RHAG: variants seen among roughly 807,000 people sequenced by gnomAD.
RHAG encodes the protein ammonium transporter Rh type A.
In RHAG, 25 loss-of-function variants were observed where a neutral mutation model predicts 42.4. That is an observed-to-expected ratio of 0.59 (90% confidence interval 0.43 to 0.82). The LOEUF is 0.82. RHAG is among the 40% of genes least tolerant of loss of function. RHAG has a pLI of 0.00. For synonymous variants in RHAG, 182 were observed against 177.7 expected, an observed-to-expected ratio of 1.02 and a Z score of -0.19; for missense variants, 483 against 504.6, an observed-to-expected ratio of 0.96 and a Z score of 0.41.
At chr6:49,623,393 TTG>T (rs939371777) in intron 1 of RHAG, among the ~76,000 whole-genome samples, 66 of 152,246 alleles carry the variant, frequency 4.3e-4, no homozygotes, top group African/African-American at 1.5e-3. Context: ...CTTTAAGAGT[TTG>T]TGGGTGGGGA....
At chr6:49,628,821 T>G (rs1233798345) in intron 1 of RHAG, among the ~76,000 whole-genome samples, 1 of 151,922 alleles carries the variant, frequency 6.6e-6, no homozygotes, top group African/African-American at 2.4e-5. Context: ...ACCTTCACGG[T>G]GAGTATTACA....
intron 1 of RHAG, among the ~76,000 whole-genome samples, chr6:49,621,530 G>C (rs998327872): frequency 6.6e-6 from 1 of 152,112 alleles, no homozygotes; most frequent in Non-Finnish European, 1.5e-5. Context: ...TACCTACCCA[G>C]GGTACCCTAG....
chr6:49,616,889 G>A (rs1762666006), intron 3 of RHAG, among the ~76,000 whole-genome samples: 1 of 152,148 alleles, frequency 6.6e-6, no homozygotes, highest in African/African-American at 2.4e-5. Flanking sequence ...TCACCAGGTG[G>A]CTTCAGGAAG....
chr6:49,622,483 A>G (rs1333002076), intron 1 of RHAG, among the ~76,000 whole-genome samples: 1 of 152,058 alleles, frequency 6.6e-6, no homozygotes, highest in Non-Finnish European at 1.5e-5. Context: ...GTGCTGGATT[A>G]CAGGCGTAAG....
chr6:49,613,069 A>ATTT lies in RHAG; in HGVS notation c.808-538_808-536dup, dbSNP rs562332720. Among the ~76,000 whole-genome samples, 1,261 of 137,646 alleles carry ATTT rather than the reference A, an allele frequency of 9.2e-3. 13 individuals carry two copies. The highest frequency in any genetic ancestry group is 0.024 in the African/African-American group (897 of 37,262). 90.3% of individuals were successfully genotyped at this position (137,646 alleles called of 152,430 possible). ...TTGAGGATGAAGGAAAGAGGAACTG[A>ATTT]TTTTTTTTTTTTTTTTTCGAGATGG... On this transcript the variant is annotated intron_variant, in intron 5 of 9. Transcript: ENST00000371175.
chr6:49,636,546 C>A, intron 1 of RHAG, 110 bp downstream of exon 1: 4 of 1,121,398 alleles, frequency 3.6e-6, no homozygotes, highest in Middle Eastern at 2.7e-4. Flanking sequence ...CACTCATAAC[C>A]ATCATATAAT....
In RHAG at chr6:49,612,513, G is replaced by C; in HGVS notation, c.829C>G (p.Leu277Val). The part of the protein sequence containing the change: ...LNMVHIQNAT[L>V]AGGVAVGTCA... ...GTGCCCACAGCAACTCCTCCAGCAA[G>C]GGTGGCATTCTGAATGTGAACCTGT... The change falls in exon 6 of 10, where the codon CTT becomes GTT. Residue 277 changes from leucine (L) to valine (V), a missense_variant. Physicochemically the swap from Leu to Val is conservative, Grantham distance 32 (BLOSUM62 1). Transcript: ENST00000371175. 2 of 1,614,106 alleles carry C rather than the reference G, an allele frequency of 1.2e-6. No homozygotes were observed. Among genetic ancestry groups the C allele is most frequent in the East Asian group, 4.5e-5 (2 of 44,878 alleles).
chr6:49,635,375 A>G (rs990138240), intron 1 of RHAG, among the ~76,000 whole-genome samples: 2 of 152,140 alleles, frequency 1.3e-5, no homozygotes, highest in Non-Finnish European at 2.9e-5. Context: ...AGTGTATCAG[A>G]TAGTGGAGTC....
intron 1 of RHAG, among the ~76,000 whole-genome samples, chr6:49,622,947 T>C (rs1348098983): frequency 6.6e-6 from 1 of 151,388 alleles, no homozygotes; most frequent in Non-Finnish European, 1.5e-5. Context: ...GCCATTCTCC[T>C]GCCTCAGCCT....
At chr6:49,608,412 G>A (rs1013330422) in intron 7 of RHAG, among the ~76,000 whole-genome samples, 10 of 152,102 alleles carry the variant, frequency 6.6e-5, no homozygotes, top group African/African-American at 1.7e-4. Flanking sequence ...ACGGAGTCTC[G>A]CTCTGTTGCC....
chr6:49,627,476 C>T (rs1762860460), intron 1 of RHAG, among the ~76,000 whole-genome samples: 1 of 152,164 alleles, frequency 6.6e-6, no homozygotes, highest in African/African-American at 2.4e-5. Flanking sequence ...TTTCCCACAC[C>T]TTCGTGTCTT....
chr6:49,615,768 A>T lies in RHAG; in HGVS notation c.496T>A (p.Ser166Thr). ...EYLVSEIFKASDIGASMTIHA... is the reference protein window; with the variant it reads ...EYLVSEIFKATDIGASMTIHA... ...ATCGTCATTGATGCTCCAATGTCAG[A>T]GGCCTGAGGGACAAAATAGCATTCA... The change falls in exon 4 of 10, where the codon TCT (serine) becomes ACT (threonine). Residue 166 changes from serine to threonine, a missense_variant. Physicochemically the swap from Ser to Thr is moderately conservative, Grantham distance 58. Transcript: ENST00000371175. 6.2e-7 allele frequency: 1 copy of T among 1,614,172 alleles called. No individual in the cohort carries two copies. The highest frequency in any genetic ancestry group is 8.5e-7 in the Non-Finnish European group (1 of 1,179,990).
chr6:49,608,420 G>A (rs2127349746), intron 7 of RHAG, among the ~76,000 whole-genome samples: 1 of 152,210 alleles, frequency 6.6e-6, no homozygotes, highest in Non-Finnish European at 1.5e-5. Flanking sequence ...TCGCTCTGTT[G>A]CCAGGCTAGA....
intron 1 of RHAG, among the ~76,000 whole-genome samples, chr6:49,623,586 A>G (rs1282798572): frequency 6.6e-6 from 1 of 152,202 alleles, no homozygotes; most frequent in Admixed American, 6.5e-5. Flanking sequence ...AAGAGGTAAT[A>G]TTAACCCCCA....
At chr6:49,626,709 A>C (rs1364428074) in intron 1 of RHAG, among the ~76,000 whole-genome samples, 1 of 152,202 alleles carries the variant, frequency 6.6e-6, no homozygotes, top group East Asian at 1.9e-4. Flanking sequence ...TCCCTTCTGC[A>C]CTGCCCTAGC....
intron 1 of RHAG, among the ~76,000 whole-genome samples, chr6:49,626,672 T>C (rs1762849810): frequency 6.6e-6 from 1 of 152,200 alleles, no homozygotes; most frequent in Non-Finnish European, 1.5e-5. Context: ...TAGTAGTGAC[T>C]CTGTGTTTGG....
rs568752372 is a variant in RHAG, at chr6:49,629,534, G to A, written c.157+7122C>T. Among the ~76,000 whole-genome samples the A allele has an allele frequency of 5.9e-5, 9 of 152,264 alleles. No individual in the cohort carries two copies. The South Asian group carries it at 6.2e-4, about 11-fold the overall frequency. On this transcript the variant is annotated intron_variant, in intron 1 of 9. Coordinates refer to ENST00000371175, the MANE Select transcript of RHAG (RefSeq NM_000324.3). ...GCAGGTGGAGCTGCCTGCCAGTCCC[G>A]GTGTTGTGCACCCACACTCCTCAGC...
chr6:49,611,805 CAT>C (rs1581938113), intron 6 of RHAG, among the ~76,000 whole-genome samples: 1 of 151,320 alleles, frequency 6.6e-6, no homozygotes, highest in East Asian at 1.9e-4. Context: ...GTAATGGTGC[CAT>C]CTCGGCTCAC....
Position 49,629,901 on chromosome 6 carries a change from C to G in RHAG, c.157+6755G>C, listed in dbSNP as rs374267611. Among the ~76,000 whole-genome samples, 16 of 152,310 alleles carry G rather than the reference C, an allele frequency of 1.1e-4. No homozygotes were observed. In the East Asian group the frequency reaches 2.3e-3, roughly 22 times the overall value. On this transcript the variant is annotated intron_variant, in intron 1 of 9. Transcript: ENST00000371175. ...CTCCAGCTGGCCCGCAAGAGCCGCA[C>G]GCAGCCCCGGTTCCCGCTCGCGCCT...
Sources: gnomAD v4.1 joint callset for allele counts (sites outside exome capture counted in the v4.1 genomes callset) on GRCh38, gnomAD v4.1.1 for gene constraint, MANE v1.5 for transcripts, NCBI Gene and HGNC (gene_info 2026-07-23, HGNC 2026-07-21) for gene names.